The following BCKDHB variants were observed in gnomAD, a reference collection of about 807,000 sequenced individuals.
BCKDHB encodes branched chain keto acid dehydrogenase E1 subunit beta.
In BCKDHB, 41 loss-of-function variants were observed where a neutral mutation model predicts 48.5. The observed-to-expected ratio is 0.85, with a 90% CI of 0.66 to 1.10. BCKDHB has a LOEUF of 1.10. Ranked by LOEUF, BCKDHB falls within the 50% of genes least tolerant of loss-of-function variation. The pLI, the probability that BCKDHB is intolerant of heterozygous loss-of-function variation, is 0.00. For missense variants in BCKDHB, 496 were observed against 494.2 expected (o/e 1.00, Z -0.03); for synonymous variants, 201 against 174.8 (o/e 1.15, Z -1.18).
chr6:80,268,740 G>A (rs1777615109), intron 8 of BCKDHB, among the ~76,000 whole-genome samples: 1 of 152,076 alleles, frequency 6.6e-6, no homozygotes, highest in African/African-American at 2.4e-5. Context: ...CAACTTAACA[G>A]TTTTCCTGGT....
chr6:80,439,781 G>T, the BCKDHB span, among the ~76,000 whole-genome samples: 1 of 152,164 alleles, frequency 6.6e-6, no homozygotes, highest in Non-Finnish European at 1.5e-5. Flanking sequence ...CTGGGCCTGG[G>T]ATAGAGAATA....
At chr6:80,131,452 C>T (rs1770626866) in intron 3 of BCKDHB, among the ~76,000 whole-genome samples, 1 of 152,102 alleles carries the variant, frequency 6.6e-6, no homozygotes. Flanking sequence ...ATAATTATAT[C>T]TAATCTGGCC....
chr6:80,374,457 C>G, the BCKDHB span: 2 of 755,990 alleles, frequency 2.6e-6, no homozygotes, highest in South Asian at 1.3e-5. Context: ...TATATGCATA[C>G]CCTTGATGGC....
chr6:80,375,680 C>A, the BCKDHB span, among the ~76,000 whole-genome samples: 1 of 151,918 alleles, frequency 6.6e-6, no homozygotes, highest in Non-Finnish European at 1.5e-5. Context: ...TGGTTTGGAT[C>A]TATTGCTGGT....
At chr6:80,406,298 GTCTT>G in the BCKDHB span, among the ~76,000 whole-genome samples, 11 of 152,216 alleles carry the variant, frequency 7.2e-5, no homozygotes, top group African/African-American at 2.7e-4. Context: ...GTGTGCATGT[GTCTT>G]TATAGTAGCA....
the BCKDHB span, among the ~76,000 whole-genome samples, chr6:80,434,822 C>G: frequency 6.6e-6 from 1 of 152,180 alleles, no homozygotes; most frequent in East Asian, 1.9e-4. Context: ...TTGAGCTCCA[C>G]GACTTGTTCA....
chr6:80,194,986 T>A (rs1393490109), intron 6 of BCKDHB, among the ~76,000 whole-genome samples: 1 of 152,198 alleles, frequency 6.6e-6, no homozygotes, highest in East Asian at 1.9e-4. Flanking sequence ...CTCTGGTTTA[T>A]TCCCTTGGGA....
At chr6:80,179,940 G>A (rs970024565) in intron 6 of BCKDHB, among the ~76,000 whole-genome samples, 3 of 152,070 alleles carry the variant, frequency 2.0e-5, no homozygotes, top group Non-Finnish European at 4.4e-5. Context: ...GTGCAGCATT[G>A]TGCCAGTCAC....
chr6:80,217,728 T>C (rs1333483652), intron 8 of BCKDHB, among the ~76,000 whole-genome samples: 1 of 152,222 alleles, frequency 6.6e-6, no homozygotes, highest in Non-Finnish European at 1.5e-5. Flanking sequence ...ATATTTCTGC[T>C]ATAATGGAGT....
intron 8 of BCKDHB, among the ~76,000 whole-genome samples, chr6:80,214,521 G>A (rs1484555349): frequency 1.3e-5 from 2 of 152,158 alleles, no homozygotes; most frequent in East Asian, 1.9e-4. Flanking sequence ...GGGGAGCAGA[G>A]GGGGACAGAA....
intron 9 of BCKDHB, among the ~76,000 whole-genome samples, chr6:80,314,519 G>A (rs900331425): frequency 1.3e-5 from 2 of 152,226 alleles, no homozygotes; most frequent in Non-Finnish European, 2.9e-5. Flanking sequence ...AGTACACAGA[G>A]GGAGGTGGCT....
chr6:80,216,725 C>G (rs1775189586), intron 8 of BCKDHB, among the ~76,000 whole-genome samples: 1 of 152,164 alleles, frequency 6.6e-6, no homozygotes, highest in Admixed American at 6.5e-5. Flanking sequence ...TACAAGAAAT[C>G]TAAATGTGTT....
intron 8 of BCKDHB, among the ~76,000 whole-genome samples, chr6:80,265,078 A>T (rs1777457988): frequency 6.6e-6 from 1 of 152,140 alleles, no homozygotes; most frequent in Admixed American, 6.6e-5. Context: ...ACAGATGTGG[A>T]GAAATTGCAT....
chr6:80,372,627 A>G, the BCKDHB span, among the ~76,000 whole-genome samples: 25 of 152,062 alleles, frequency 1.6e-4, no homozygotes, highest in Admixed American at 1.6e-3. Flanking sequence ...TGTCCCTTCT[A>G]TGCCGATTTT....
chr6:80,445,578 A>G, the BCKDHB span, among the ~76,000 whole-genome samples: 1 of 152,294 alleles, frequency 6.6e-6, no homozygotes, highest in African/African-American at 2.4e-5. Flanking sequence ...AGGATATTTC[A>G]ACACTCCATA....
chr6:80,390,602 T>A, the BCKDHB span, among the ~76,000 whole-genome samples: 1 of 152,238 alleles, frequency 6.6e-6, no homozygotes, highest in African/African-American at 2.4e-5. Context: ...ATTAACTTTA[T>A]GTAATAGCAT....
intron 8 of BCKDHB, among the ~76,000 whole-genome samples, chr6:80,227,875 G>A (rs529364878): frequency 6.6e-6 from 1 of 152,274 alleles, no homozygotes; most frequent in Non-Finnish European, 1.5e-5. Flanking sequence ...TTTTATTCCT[G>A]TGAGCCATAG....
intron 6 of BCKDHB, among the ~76,000 whole-genome samples, chr6:80,180,437 A>G (rs893376475): frequency 8.5e-5 from 13 of 152,226 alleles, no homozygotes; most frequent in East Asian, 1.9e-4. Context: ...ACATTATCAC[A>G]TATAGGCATC....
At chr6:80,356,868 GTCTC>G in the BCKDHB span, 1 of 150,304 alleles carries the variant, frequency 6.7e-6, no homozygotes, top group African/African-American at 2.5e-5. Context: ...AACTTTCTCT[GTCTC>G]TCTGTCACCC....
Sources: allele counts gnomAD v4.1 joint callset (sites outside exome capture counted in the v4.1 genomes callset), GRCh38; gene constraint gnomAD v4.1.1; transcripts MANE v1.5; gene names NCBI Gene and HGNC (gene_info 2026-07-23, HGNC 2026-07-21).